Variants in TJP1 observed in about 807,000 individuals in gnomAD.
TJP1 encodes the protein tight junction protein 1, also known as tight junction protein ZO-1.
In TJP1, 43 loss-of-function variants were observed where a neutral mutation model predicts 194.2. The observed-to-expected ratio is 0.22, with a 90% CI of 0.17 to 0.29. TJP1 has a LOEUF of 0.29. Among genes scored for constraint, TJP1 ranks in the 10% least tolerant of loss-of-function variants. The pLI is 1.00. For synonymous variants in TJP1, 801 were observed against 779.0 expected (o/e 1.03, Z -0.47); for missense variants, 1,971 against 2,185.7 (o/e 0.90, Z 1.96).
At chr15:29,784,760 C>T (rs2151758486) in intron 2 of TJP1, among the ~76,000 whole-genome samples, 1 of 152,228 alleles carries the variant, frequency 6.6e-6, no homozygotes, top group Admixed American at 6.5e-5. Flanking sequence ...ATGGATAGGA[C>T]TGGTGATAAG....
chr15:29,750,344 GC>G (rs1434139259), intron 8 of TJP1, among the ~76,000 whole-genome samples: 52 of 151,998 alleles, frequency 3.4e-4, no homozygotes, highest in Non-Finnish European at 2.9e-5. Flanking sequence ...TCACCGTGTT[GC>G]CCAGGCTGGT....
chr15:29,968,326 C>T, intron 1 of TJP1: 1 of 985,322 alleles, frequency 1.0e-6, no homozygotes, highest in Non-Finnish European at 1.2e-6. Context: ...TGAGCCAGAA[C>T]CCGCCGTAAT....
At chr15:29,899,059 G>T (rs2053561584) in intron 2 of TJP1, among the ~76,000 whole-genome samples, 1 of 152,156 alleles carries the variant, frequency 6.6e-6, no homozygotes, top group African/African-American at 2.4e-5. Context: ...AAGGGAATGT[G>T]GAACATTACT....
At chr15:29,780,166 A>G (rs905908846) in intron 2 of TJP1, among the ~76,000 whole-genome samples, 1 of 152,132 alleles carries the variant, frequency 6.6e-6, no homozygotes, top group Non-Finnish European at 1.5e-5. Flanking sequence ...ATCCAAGTAC[A>G]TTACATTTAT....
chr15:29,778,680 C>G (rs1323756407), intron 2 of TJP1, among the ~76,000 whole-genome samples: 2 of 152,190 alleles, frequency 1.3e-5, no homozygotes, highest in African/African-American at 4.8e-5. Flanking sequence ...CACCTAAATA[C>G]TGATTCCTGC....
At chr15:29,940,843 C>A (rs2055047351) in intron 2 of TJP1, among the ~76,000 whole-genome samples, 1 of 152,124 alleles carries the variant, frequency 6.6e-6, no homozygotes, top group African/African-American at 2.4e-5. Context: ...CACCCCACTG[C>A]CCATGGCCTA....
At position 29,716,719 on chromosome 15, in the gene TJP1, C is replaced by A; in HGVS notation, c.4094G>T (p.Arg1365Ile). 1.9e-6 allele frequency: 3 copies of A among 1,614,124 alleles called. No individual in the cohort carries two copies. The highest frequency in any genetic ancestry group is 2.5e-6 in the Non-Finnish European group (3 of 1,180,018). ...YRKQLSYFDR[R>I]SFENKPPAHI... Reference sequence around the variant, plus strand: ...TGCAGGAGGCTTATTCTCAAAACTTCTTCGGTCAAAGTATGACAGCTGTTT... The same window carrying A: ...TGCAGGAGGCTTATTCTCAAAACTTATTCGGTCAAAGTATGACAGCTGTTT... The change falls in exon 23 of 28, where the codon AGA (arginine) becomes ATA (isoleucine). Residue 1365 changes from arginine to isoleucine, a missense_variant. Around this residue, in one of 5 missense-constraint regions of TJP1, gnomAD observed 1,108 missense variants for 1,128.5 expected, o/e 0.98. Coordinates refer to ENST00000614355, the MANE Select transcript of TJP1 (RefSeq NM_001330239.4).
intron 2 of TJP1, among the ~76,000 whole-genome samples, chr15:29,778,461 C>T (rs1316226729): frequency 6.6e-6 from 1 of 151,772 alleles, no homozygotes; most frequent in African/African-American, 2.4e-5. Context: ...TCCCCACTTT[C>T]CCTTCCCTCT....
chr15:29,967,421 C>T (rs1596340304), intron 1 of TJP1, among the ~76,000 whole-genome samples: 1 of 151,474 alleles, frequency 6.6e-6, no homozygotes, highest in Non-Finnish European at 1.5e-5. Context: ...ATTTACTAAG[C>T]ACCTATTATT....
intron 2 of TJP1, among the ~76,000 whole-genome samples, chr15:29,782,019 GAAAGTTAAACT>G (rs750905523): frequency 2.7e-4 from 41 of 152,304 alleles, no homozygotes; most frequent in Non-Finnish European, 5.0e-4. Flanking sequence ...TAGGAAGAGA[GAAAGTTAAACT>G]ACCCTGTTTG....
chr15:29,771,356 G>A (rs911255113), intron 4 of TJP1, among the ~76,000 whole-genome samples: 1 of 152,054 alleles, frequency 6.6e-6, no homozygotes, highest in African/African-American at 2.4e-5. Context: ...GTAACACAAT[G>A]GTAACTATGT....
intron 2 of TJP1, among the ~76,000 whole-genome samples, chr15:29,847,331 A>G (rs1387002646): frequency 6.6e-6 from 1 of 151,790 alleles, no homozygotes; most frequent in South Asian, 2.1e-4. Flanking sequence ...CAGCCTTTTG[A>G]TTTTTTGCTT....
At chr15:29,779,339 CCTAA>C (rs970299568) in intron 2 of TJP1, among the ~76,000 whole-genome samples, 76 of 152,284 alleles carry the variant, frequency 5.0e-4, no homozygotes, top group African/African-American at 1.8e-3. Context: ...GTATGCAGAT[CCTAA>C]CTAACTCACT....
Position 29,741,417 on chromosome 15 carries a change from G to A in TJP1, c.1170C>T (p.Ala390=). 1.2e-6 allele frequency: 2 copies of A among 1,606,940 alleles called. No homozygotes were observed. Among genetic ancestry groups the A allele is most frequent in the South Asian group, 2.2e-5 (2 of 89,344 alleles). Residue 390 remains alanine, a synonymous_variant, in exon 10 of 28, where the codon GCC becomes GCT. Transcript: ENST00000614355. The part of the protein sequence containing the change: ...PSLPEPKPVY[A]QVGQPDVDLP... ...AATCCACATCTGGTTGCCCAACTTG[G>A]GCATACACAGGCTTTGGTTCTAAGA...
chr15:29,770,205 G>A (rs148519051), intron 4 of TJP1, among the ~76,000 whole-genome samples: 1 of 152,264 alleles, frequency 6.6e-6, no homozygotes, highest in Non-Finnish European at 1.5e-5. Context: ...CCAGAACTTT[G>A]GGAGGCGGAG....
chr15:29,750,653 T>G (rs2151432923), intron 8 of TJP1, among the ~76,000 whole-genome samples: 1 of 152,318 alleles, frequency 6.6e-6, no homozygotes, highest in East Asian at 1.9e-4. Flanking sequence ...CAACTTGATG[T>G]GCCTTATTTT....
intron 2 of TJP1, among the ~76,000 whole-genome samples, chr15:29,946,464 T>G (rs1216035372): frequency 1.3e-5 from 2 of 152,210 alleles, no homozygotes; most frequent in Non-Finnish European, 2.9e-5. Flanking sequence ...AGACGCAACA[T>G]GCCCAGGCCA....
chr15:29,820,234 G>C (rs906678405), intron 1 of TJP1, among the ~76,000 whole-genome samples: 1 of 150,286 alleles, frequency 6.7e-6, no homozygotes, highest in Non-Finnish European at 1.5e-5. Flanking sequence ...ACTGAGTCCA[G>C]CCTGGCTCTT....
At chr15:29,742,103 G>A (rs1034967447) in intron 9 of TJP1, among the ~76,000 whole-genome samples, 1 of 151,870 alleles carries the variant, frequency 6.6e-6, no homozygotes, top group African/African-American at 2.4e-5. Context: ...AAAAACCCCA[G>A]AAAACCCAAA....
Sources: allele counts gnomAD v4.1 joint callset (sites outside exome capture counted in the v4.1 genomes callset), GRCh38; gene constraint gnomAD v4.1.1; regional missense constraint gnomAD v4.1.1; transcripts MANE v1.5; gene names NCBI Gene and HGNC (gene_info 2026-07-23, HGNC 2026-07-21).